The following GNAQ variants were observed in gnomAD, a reference collection of about 807,000 sequenced individuals.
GNAQ encodes guanine nucleotide-binding protein G(q) subunit alpha.
A neutral mutation model predicts 43.9 loss-of-function variants in GNAQ; 8 were observed. The ratio of observed to expected loss-of-function variants is 0.18; its 90% CI spans 0.11 to 0.33. The LOEUF (loss-of-function observed/expected upper bound fraction) is 0.33, where lower values mean the gene tolerates loss of function less well. Ranked by LOEUF, GNAQ falls within the 10% of genes least tolerant of loss-of-function variation. The pLI is 1.00. For missense variants in GNAQ, 158 were observed against 450.8 expected (o/e 0.35, Z 5.88); for synonymous variants, 155 against 170.7 (o/e 0.91, Z 0.71).
chr9:77,974,708 G>A (rs1823277134), intron 1 of GNAQ, among the ~76,000 whole-genome samples: 1 of 152,168 alleles, frequency 6.6e-6, no homozygotes, highest in South Asian at 2.1e-4. Context: ...CATGCCCCAA[G>A]GCCAGCTGAG....
chr9:77,974,728 T>G (rs1260151013), intron 1 of GNAQ, among the ~76,000 whole-genome samples: 2 of 152,204 alleles, frequency 1.3e-5, no homozygotes, highest in Non-Finnish European at 2.9e-5. Context: ...GAAGACTCTC[T>G]GTAATGAAAA....
chr9:77,897,116 C>T (rs568825290), intron 2 of GNAQ, among the ~76,000 whole-genome samples: 3 of 152,322 alleles, frequency 2.0e-5, no homozygotes, highest in South Asian at 2.1e-4. Context: ...CGTGCCAAAC[C>T]GGGGTAATTC....
chr9:77,794,738 T>C (rs548226908), intron 4 of GNAQ, 146 bp from the exon 5 acceptor site: 13 of 459,780 alleles, frequency 2.8e-5, no homozygotes, highest in Non-Finnish European at 4.2e-5. Context: ...ACTTATTGAA[T>C]AATTACTAAT....
At chr9:77,962,152 A>G (rs143409870) in intron 1 of GNAQ, among the ~76,000 whole-genome samples, 145 of 152,266 alleles carry the variant, frequency 9.5e-4, no homozygotes, top group Middle Eastern at 3.4e-3. Flanking sequence ...AAAAAGACAG[A>G]AAAAAACGAG....
intron 2 of GNAQ, among the ~76,000 whole-genome samples, chr9:77,841,337 G>T (rs1463144540): frequency 6.6e-6 from 1 of 152,070 alleles, no homozygotes; most frequent in Non-Finnish European, 1.5e-5. Flanking sequence ...TCTCACACTG[G>T]AGTCAAATTT....
At chr9:77,910,703 G>A (rs933093233) in intron 2 of GNAQ, among the ~76,000 whole-genome samples, 6 of 151,832 alleles carry the variant, frequency 4.0e-5, no homozygotes, top group Admixed American at 3.3e-4. Context: ...GCAAACATTT[G>A]TTGAATGACT....
chr9:77,976,131 A>G (rs532166828), intron 1 of GNAQ, among the ~76,000 whole-genome samples: 29 of 152,208 alleles, frequency 1.9e-4, no homozygotes, highest in Non-Finnish European at 4.1e-4. Context: ...ACTATCCTGC[A>G]GTTGTTTTAA....
At chr9:77,877,730 AC>A (rs1828146778) in intron 2 of GNAQ, among the ~76,000 whole-genome samples, 1 of 152,166 alleles carries the variant, frequency 6.6e-6, no homozygotes. Context: ...AACAGGAATG[AC>A]CCATTTTTAT....
chr9:77,768,908 A>C (rs1826175876), intron 5 of GNAQ, among the ~76,000 whole-genome samples: 1 of 152,218 alleles, frequency 6.6e-6, no homozygotes, highest in South Asian at 2.1e-4. Context: ...ACTGAGTAGT[A>C]AATTCTGAAT....
At chr9:77,904,074 A>G (rs2118169984) in intron 2 of GNAQ, among the ~76,000 whole-genome samples, 1 of 152,310 alleles carries the variant, frequency 6.6e-6, no homozygotes, top group East Asian at 1.9e-4. Context: ...GCTGGATCAG[A>G]CTTGCTGATC....
chr9:77,874,117 C>CAAAAAA, intron 2 of GNAQ, among the ~76,000 whole-genome samples: 1 of 130,954 alleles, frequency 7.6e-6, no homozygotes, highest in East Asian at 2.5e-4. Flanking sequence ...AAAAAAAAAA[C>CAAAAAA]AAAAAAACAA....
chr9:77,798,752 G>T (rs1826698557), intron 3 of GNAQ, among the ~76,000 whole-genome samples: 1 of 152,162 alleles, frequency 6.6e-6, no homozygotes, highest in Non-Finnish European at 1.5e-5. Flanking sequence ...AGTGTGTAGG[G>T]AATAATGACA....
chr9:77,882,624 G>T (rs1435086909), intron 2 of GNAQ, among the ~76,000 whole-genome samples: 2 of 152,156 alleles, frequency 1.3e-5, no homozygotes, highest in Admixed American at 1.3e-4. Context: ...AAATGACATG[G>T]AATGGTATTC....
chr9:77,733,416 G>A (rs958658031), intron 5 of GNAQ, among the ~76,000 whole-genome samples: 1 of 152,178 alleles, frequency 6.6e-6, no homozygotes, highest in Admixed American at 6.5e-5. Flanking sequence ...GCTTGGCACT[G>A]TCTTTAATCT....
At chr9:77,783,760 T>A (rs745852304) in intron 5 of GNAQ, among the ~76,000 whole-genome samples, 14 of 152,156 alleles carry the variant, frequency 9.2e-5, no homozygotes, top group Non-Finnish European at 1.6e-4. Flanking sequence ...CTTCTGACTT[T>A]AAAAAAGAAT....
chr9:77,738,449 T>C (rs1825605931), intron 5 of GNAQ, among the ~76,000 whole-genome samples: 1 of 152,208 alleles, frequency 6.6e-6, no homozygotes, highest in South Asian at 2.1e-4. Flanking sequence ...AATTAATATG[T>C]GGTCATGATA....
intron 1 of GNAQ, among the ~76,000 whole-genome samples, chr9:77,966,843 T>C (rs1388384715): frequency 6.6e-6 from 1 of 152,162 alleles, no homozygotes; most frequent in Non-Finnish European, 1.5e-5. Context: ...CTTGCTCAGT[T>C]CTGGAAGAGC....
chr9:78,002,306 A>C (rs1355964787), intron 1 of GNAQ, among the ~76,000 whole-genome samples: 3 of 152,230 alleles, frequency 2.0e-5, no homozygotes, highest in Non-Finnish European at 4.4e-5. Context: ...AAAGGAGTCA[A>C]AGTCAAGAGG....
chr9:77,881,585 T>C (rs1292029353), intron 2 of GNAQ, among the ~76,000 whole-genome samples: 2 of 152,112 alleles, frequency 1.3e-5, no homozygotes, highest in African/African-American at 2.4e-5. Context: ...TGCTATAGTA[T>C]ATTGCCCAGG....
Sources: allele counts gnomAD v4.1 joint callset (sites outside exome capture counted in the v4.1 genomes callset), GRCh38; gene constraint gnomAD v4.1.1; transcripts MANE v1.5; gene names NCBI Gene and HGNC (gene_info 2026-07-23, HGNC 2026-07-21).